The following NAALADL2 variants were observed in gnomAD, a reference collection of about 807,000 sequenced individuals.
NAALADL2 encodes the protein inactive N-acetylated-alpha-linked acidic dipeptidase-like protein 2.
Under a neutral mutation model 87.2 loss-of-function variants are expected in NAALADL2, and 76 were observed. That is an observed-to-expected ratio of 0.87 (90% CI 0.72 to 1.05). NAALADL2 has a LOEUF of 1.05. Ranked by LOEUF, NAALADL2 falls within the 50% of genes least tolerant of loss-of-function variation. The pLI is 0.00. For missense variants in NAALADL2, 1,089 were observed against 945.8 expected, an observed-to-expected ratio of 1.15 and a Z score of -1.99; for synonymous variants, 354 against 331.0, an observed-to-expected ratio of 1.07 and a Z score of -0.75.
At chr3:175,640,772 C>A (rs766156153) in intron 11 of NAALADL2, among the ~76,000 whole-genome samples, 7 of 151,986 alleles carry the variant, frequency 4.6e-5, no homozygotes, top group Non-Finnish European at 1.0e-4. Context: ...AATGATAATG[C>A]AATGTTTAAC....
At chr3:175,672,732 T>C (rs1279726030) in intron 11 of NAALADL2, among the ~76,000 whole-genome samples, 1 of 152,156 alleles carries the variant, frequency 6.6e-6, no homozygotes, top group African/African-American at 2.4e-5. Context: ...ATCCTTAAGG[T>C]GCAAGAAAGA....
intron 1 of NAALADL2, among the ~76,000 whole-genome samples, chr3:174,993,917 T>G (rs1372902238): frequency 6.6e-6 from 1 of 152,194 alleles, no homozygotes; most frequent in Non-Finnish European, 1.5e-5. Flanking sequence ...TTGGATCATG[T>G]CAGTCTCTGG....
intron 2 of NAALADL2, among the ~76,000 whole-genome samples, chr3:175,233,596 G>A (rs1403555905): frequency 2.0e-5 from 3 of 152,040 alleles, no homozygotes; most frequent in African/African-American, 7.2e-5. Context: ...TGCATACCAG[G>A]ACATCAGGCT....
In NAALADL2 at chr3:175,791,323, G is replaced by C. The variant is rs1033896021; in HGVS notation, c.2190-11682G>C. On this transcript the variant is annotated intron_variant, in intron 13 of 13. Coordinates refer to ENST00000454872, the MANE Select transcript of NAALADL2 (RefSeq NM_207015.3). The stretch of plus-strand genomic sequence containing the variant: ...TCAAACCCTGTTTTCTATATGGGGT[G>C]AGTCCCCTGTGAGCTTAGCTGGAAG... 3.9e-5 allele frequency among the ~76,000 whole-genome samples: 6 copies of C among 152,260 alleles called. No homozygotes were observed. In the East Asian group the frequency reaches 1.2e-3, roughly 29 times the overall value.
rs555060595 is a variant in NAALADL2 at position 175,349,349 on chromosome 3, T to G, written c.1090+25024T>G. Among the ~76,000 whole-genome samples, 3 of 152,082 alleles carry G rather than the reference T, an allele frequency of 2.0e-5. No homozygotes were observed. The East Asian group carries it at 5.8e-4, about 29-fold the overall frequency. ...AGACCTACTAAACAGGGGAGGTGCA[T>G]GTACCAAGGCCAGGTGGCAGGAAGT... On this transcript the variant is annotated intron_variant, in intron 5 of 13. Transcript: ENST00000454872.
chr3:174,580,650 T>TTC (rs959080778), intron 2 of NAALADL2, among the ~76,000 whole-genome samples: 6 of 151,898 alleles, frequency 4.0e-5, no homozygotes, highest in African/African-American at 1.4e-4. Context: ...TCATATAGTA[T>TTC]TCTCTCTCTC....
intron 1 of NAALADL2, chr3:175,059,719 A>C (rs1310054226): frequency 3.2e-6 from 1 of 310,262 alleles, no homozygotes; most frequent in African/African-American, 2.3e-5. Flanking sequence ...TATCAGATCC[A>C]AGGAGATCAA....
chr3:174,851,037 A>G (rs1278136808), intron 3 of NAALADL2, among the ~76,000 whole-genome samples: 4 of 152,132 alleles, frequency 2.6e-5, no homozygotes, highest in Non-Finnish European at 5.9e-5. Flanking sequence ...GAAGTTAAGA[A>G]GGAAGTTTTT....
intron 1 of NAALADL2, among the ~76,000 whole-genome samples, chr3:175,023,340 A>G (rs1751806803): frequency 6.6e-6 from 1 of 152,090 alleles, no homozygotes; most frequent in Non-Finnish European, 1.5e-5. Context: ...TTTATGCCTC[A>G]TTGTTTCTTA....
At chr3:175,551,555 C>T (rs1371593010) in intron 9 of NAALADL2, among the ~76,000 whole-genome samples, 2 of 152,116 alleles carry the variant, frequency 1.3e-5, no homozygotes, top group Admixed American at 1.3e-4. Flanking sequence ...AGTGTCATCC[C>T]TCTCAAAGTG....
intron 2 of NAALADL2, among the ~76,000 whole-genome samples, chr3:175,122,312 A>G (rs1726280357): frequency 6.6e-6 from 1 of 151,848 alleles, no homozygotes; most frequent in Non-Finnish European, 1.5e-5. Context: ...GTTTTATTGT[A>G]TGAATATCCA....
chr3:174,684,623 T>C (rs1392475281), intron 2 of NAALADL2, among the ~76,000 whole-genome samples: 1 of 152,144 alleles, frequency 6.6e-6, no homozygotes, highest in Non-Finnish European at 1.5e-5. Context: ...TTTCATGTTT[T>C]CTAATACTTT....
chr3:175,163,451 A>T (rs1431065315), intron 2 of NAALADL2, among the ~76,000 whole-genome samples: 1 of 151,918 alleles, frequency 6.6e-6, no homozygotes, highest in Non-Finnish European at 1.5e-5. Context: ...GGTATTTGGA[A>T]ATTTAACATG....
intron 5 of NAALADL2, among the ~76,000 whole-genome samples, chr3:175,370,706 G>A (rs1229189570): frequency 6.6e-6 from 1 of 152,162 alleles, no homozygotes; most frequent in Non-Finnish European, 1.5e-5. Context: ...TGCCAAACAT[G>A]CTTCTGATTC....
At chr3:175,460,562 A>G (rs1454907529) in intron 6 of NAALADL2, among the ~76,000 whole-genome samples, 3 of 152,212 alleles carry the variant, frequency 2.0e-5, no homozygotes, top group Non-Finnish European at 4.4e-5. Flanking sequence ...TGTAGAAAGC[A>G]GAATAAAATA....
intron 9 of NAALADL2, among the ~76,000 whole-genome samples, chr3:175,518,229 C>T (rs1308600581): frequency 6.6e-6 from 1 of 152,186 alleles, no homozygotes; most frequent in Admixed American, 6.5e-5. Context: ...CTTCCTTACC[C>T]TCAGTATCTG....
rs533281544 is a variant in NAALADL2, at chr3:175,382,378, T to C, written c.1090+58053T>C. Among the ~76,000 whole-genome samples, 20 of 152,112 alleles carry C rather than the reference T, an allele frequency of 1.3e-4. No individual in the cohort carries two copies. The East Asian group carries it at 3.5e-3, about 27-fold the overall frequency. On this transcript the variant is annotated intron_variant, in intron 5 of 13. Transcript: ENST00000454872. ...ATATTTGTAGACAGGAATCTTTCTG[T>C]TTATTTGTTTTTTTAAATATGTTTT...
chr3:174,730,355 C>T (rs996071019), intron 2 of NAALADL2, among the ~76,000 whole-genome samples: 3 of 151,996 alleles, frequency 2.0e-5, no homozygotes, highest in Non-Finnish European at 2.9e-5. Flanking sequence ...TATCAGAATT[C>T]GAACAGATCA....
At chr3:175,485,543 G>A (rs1727133421) in intron 9 of NAALADL2, among the ~76,000 whole-genome samples, 1 of 152,128 alleles carries the variant, frequency 6.6e-6, no homozygotes, top group Non-Finnish European at 1.5e-5. Flanking sequence ...AGAGCCTCTG[G>A]AAAACCACTG....
Sources: allele counts gnomAD v4.1 joint callset (sites outside exome capture counted in the v4.1 genomes callset), GRCh38; gene constraint gnomAD v4.1.1; transcripts MANE v1.5; gene names NCBI Gene and HGNC (gene_info 2026-07-23, HGNC 2026-07-21).